SLC60A1: variants seen among roughly 807,000 people sequenced by gnomAD.
SLC60A1 encodes the protein solute carrier family 60 member 1, also known as major facilitator superfamily domain containing 4.
chr1:205,601,394 C>T, the SLC60A1 span: 6 of 152,156 alleles, frequency 3.9e-5, no homozygotes, highest in South Asian at 1.0e-3. Context: ...CTACAGATCC[C>T]GGAGAGCCAG....
chr1:205,590,343 T>G, the SLC60A1 span, among the ~76,000 whole-genome samples: 3 of 152,242 alleles, frequency 2.0e-5, no homozygotes, highest in Non-Finnish European at 4.4e-5. Context: ...AAGAAAGACA[T>G]GACCTTTGGA....
the SLC60A1 span, chr1:205,585,922 C>T: frequency 4.2e-6 from 5 of 1,192,310 alleles, no homozygotes; most frequent in Admixed American, 1.5e-4. This position sits in a 1 kb window ranked among gnomAD's most constrained non-coding sequence, Gnocchi z 4.2. Flanking sequence ...GGAGTGGGAA[C>T]AGGCAGTCCT....
At chr1:205,583,137 G>A in the SLC60A1 span, among the ~76,000 whole-genome samples, 1 of 152,126 alleles carries the variant, frequency 6.6e-6, no homozygotes, top group South Asian at 2.1e-4. Context: ...TGGCAACCAG[G>A]GTGGTGAGAC....
chr1:205,578,478 G>A, the SLC60A1 span, among the ~76,000 whole-genome samples: 3 of 152,304 alleles, frequency 2.0e-5, no homozygotes, highest in East Asian at 5.8e-4. Flanking sequence ...ACATGCTGGG[G>A]TCATGACTGT....
At chr1:205,583,313 A>T in the SLC60A1 span, among the ~76,000 whole-genome samples, 1 of 152,196 alleles carries the variant, frequency 6.6e-6, no homozygotes, top group East Asian at 1.9e-4. Context: ...TTTCTCAATC[A>T]AAAGGAGATC....
At chr1:205,599,076 C>G in the SLC60A1 span, 2 of 1,606,656 alleles carry the variant, frequency 1.2e-6, no homozygotes, top group Non-Finnish European at 1.7e-6. Flanking sequence ...TCCTCCGATA[C>G]ACCTTCCACG....
At chr1:205,598,821 G>C in the SLC60A1 span, 3 of 378,192 alleles carry the variant, frequency 7.9e-6, no homozygotes, top group South Asian at 1.3e-4. Flanking sequence ...TATGGGTATA[G>C]AAACACCTAG....
At chr1:205,597,272 A>T in the SLC60A1 span, among the ~76,000 whole-genome samples, 7 of 151,450 alleles carry the variant, frequency 4.6e-5, no homozygotes, top group African/African-American at 7.3e-5. Context: ...AGTAAGACCT[A>T]GGCATTCCCA....
the SLC60A1 span, among the ~76,000 whole-genome samples, chr1:205,596,248 C>T: frequency 1.3e-5 from 2 of 152,170 alleles, no homozygotes; most frequent in African/African-American, 2.4e-5. Flanking sequence ...GGGCTTCCAG[C>T]CTAGTGGGGA....
the SLC60A1 span, chr1:205,592,065 C>A: frequency 6.3e-7 from 1 of 1,579,642 alleles, no homozygotes. Context: ...CAGGAGACGC[C>A]GACTCCTGGC....
At chr1:205,597,831 T>C in the SLC60A1 span, 1 of 1,614,026 alleles carries the variant, frequency 6.2e-7, no homozygotes. Flanking sequence ...GAGATGGTGC[T>C]GCAGATGCTG....
At chr1:205,573,182 G>C in the SLC60A1 span, among the ~76,000 whole-genome samples, 1 of 151,930 alleles carries the variant, frequency 6.6e-6, no homozygotes, top group South Asian at 2.1e-4. Context: ...AGGCTGAGGC[G>C]GGTAGATCAC....
chr1:205,584,064 C>CA, the SLC60A1 span: 1 of 1,614,088 alleles, frequency 6.2e-7, no homozygotes, highest in Non-Finnish European at 8.5e-7. Flanking sequence ...GCCTTGGAGA[C>CA]ACAGCCTCCT....
the SLC60A1 span, among the ~76,000 whole-genome samples, chr1:205,594,712 C>G: frequency 6.6e-6 from 1 of 151,712 alleles, no homozygotes; most frequent in Non-Finnish European, 1.5e-5. Flanking sequence ...AATCCATCAT[C>G]TTCATTTCTT....
the SLC60A1 span, chr1:205,586,091 C>T: frequency 1.9e-6 from 3 of 1,613,488 alleles, no homozygotes; most frequent in Non-Finnish European, 2.5e-6. Flanking sequence ...GTCTGTGGGA[C>T]ACAAGGTGGC....
chr1:205,575,611 A>G, the SLC60A1 span, among the ~76,000 whole-genome samples: 1 of 152,156 alleles, frequency 6.6e-6, no homozygotes, highest in East Asian at 1.9e-4. Context: ...AAGGCAGAGC[A>G]TGGGGCTGAA....
chr1:205,579,370 C>T, the SLC60A1 span, among the ~76,000 whole-genome samples: 7 of 152,192 alleles, frequency 4.6e-5, no homozygotes, highest in Admixed American at 1.3e-4. Context: ...GTCCCACCTG[C>T]GGTTGCATGC....
the SLC60A1 span, chr1:205,580,702 C>T: frequency 6.2e-7 from 1 of 1,613,866 alleles, no homozygotes; most frequent in Non-Finnish European, 8.5e-7. This position sits in a 1 kb window ranked among gnomAD's most constrained non-coding sequence, Gnocchi z 5.0. Context: ...TGCTGAGCCC[C>T]CTTATTGCTG....
chr1:205,581,146 A>G, the SLC60A1 span, among the ~76,000 whole-genome samples: 1 of 152,232 alleles, frequency 6.6e-6, no homozygotes, highest in African/African-American at 2.4e-5. This position sits in a 1 kb window ranked among gnomAD's most constrained non-coding sequence, Gnocchi z 4.2. Context: ...AGGGTAAAAC[A>G]GTGAGCTGAG....
Sources: gnomAD v4.1 joint callset for allele counts (sites outside exome capture counted in the v4.1 genomes callset) on GRCh38, gnomAD v4.1.1 for gene constraint, Gnocchi (gnomAD v3.1) non-coding constraint, MANE v1.5 for transcripts, NCBI Gene and HGNC (gene_info 2026-07-23, HGNC 2026-07-21) for gene names.